Variants in IKZF3 observed in about 807,000 individuals in gnomAD.
IKZF3 encodes the protein IKAROS family zinc finger 3, also known as zinc finger protein Aiolos.
Under a neutral mutation model 49.0 loss-of-function variants are expected in IKZF3, and 10 were observed. The observed-to-expected ratio is 0.20, with a 90% CI of 0.13 to 0.35. The LOEUF (loss-of-function observed/expected upper bound fraction) is 0.35, where lower values mean the gene tolerates loss of function less well. Among genes scored for constraint, IKZF3 ranks in the 10% least tolerant of loss-of-function variants. IKZF3 has a pLI of 1.00. For missense variants in IKZF3, 498 were observed against 664.8 expected (o/e 0.75, Z 2.76); for synonymous variants, 209 against 228.2 (o/e 0.92, Z 0.76).
chr17:39,789,979 T>G (rs2060977237), intron 5 of IKZF3, among the ~76,000 whole-genome samples: 1 of 152,178 alleles, frequency 6.6e-6, no homozygotes, highest in South Asian at 2.1e-4. Context: ...AGGAAAGGTT[T>G]CACCCATACA....
At chr17:39,812,645 T>G (rs542266699) in intron 3 of IKZF3, among the ~76,000 whole-genome samples, 1 of 152,308 alleles carries the variant, frequency 6.6e-6, no homozygotes, top group South Asian at 2.1e-4. Flanking sequence ...AGGTACACAA[T>G]GGCTCGGGTC....
intron 3 of IKZF3, among the ~76,000 whole-genome samples, chr17:39,814,287 A>G (rs911982305): frequency 2.6e-5 from 4 of 152,308 alleles, no homozygotes; most frequent in African/African-American, 9.6e-5. Flanking sequence ...GATCAAATTC[A>G]ACTTTTCTCT....
chr17:39,826,490 C>T (rs186424380), intron 3 of IKZF3, among the ~76,000 whole-genome samples: 1 of 152,290 alleles, frequency 6.6e-6, no homozygotes, highest in East Asian at 1.9e-4. Flanking sequence ...TGATACATGC[C>T]CATATGTTTC....
intron 3 of IKZF3, among the ~76,000 whole-genome samples, chr17:39,816,142 G>A (rs1435579522): frequency 6.6e-6 from 1 of 152,098 alleles, no homozygotes; most frequent in East Asian, 1.9e-4. Flanking sequence ...AGGAATAAAG[G>A]AGAAAACCAA....
At chr17:39,845,375 A>T (rs1039298295) in intron 1 of IKZF3, among the ~76,000 whole-genome samples, 3 of 151,152 alleles carry the variant, frequency 2.0e-5, no homozygotes. Flanking sequence ...ACAAAAAAAA[A>T]TTAGCCAGGC....
At chr17:39,806,619 C>A (rs762767182) in intron 3 of IKZF3, among the ~76,000 whole-genome samples, 9 of 152,062 alleles carry the variant, frequency 5.9e-5, no homozygotes, top group Non-Finnish European at 1.0e-4. Context: ...GAAAATGGAA[C>A]CCTCATCCGT....
intron 3 of IKZF3, among the ~76,000 whole-genome samples, chr17:39,803,216 C>G (rs2061361256): frequency 6.6e-6 from 1 of 152,142 alleles, no homozygotes; most frequent in African/African-American, 2.4e-5. Context: ...AAAGGTCTTT[C>G]TAAACTATAA....
chr17:39,781,380 T>C (rs1371074513), intron 6 of IKZF3, among the ~76,000 whole-genome samples: 1 of 152,122 alleles, frequency 6.6e-6, no homozygotes, highest in Non-Finnish European at 1.5e-5. Flanking sequence ...TCCAGCAATT[T>C]TGAGAAGATT....
intron 1 of IKZF3, among the ~76,000 whole-genome samples, chr17:39,852,646 T>G (rs746532451): frequency 3.3e-5 from 5 of 152,110 alleles, no homozygotes; most frequent in Non-Finnish European, 7.4e-5. Flanking sequence ...ATATATTCTC[T>G]GTTTAGGTGA....
intron 1 of IKZF3, among the ~76,000 whole-genome samples, chr17:39,832,633 G>A (rs1423846834): frequency 6.6e-6 from 1 of 152,024 alleles, no homozygotes; most frequent in African/African-American, 2.4e-5. Flanking sequence ...GTCAGGCACA[G>A]AAAGACAAAT....
intron 2 of IKZF3, 65 bp downstream of exon 2, chr17:39,832,033 T>C (rs1385038658): frequency 2.5e-6 from 3 of 1,203,592 alleles, no homozygotes; most frequent in Non-Finnish European, 3.7e-6. Flanking sequence ...AATAAGCACA[T>C]TCCTCTCTCT....
chr17:39,783,884 G>A (rs561720279), intron 6 of IKZF3, among the ~76,000 whole-genome samples: 28 of 152,236 alleles, frequency 1.8e-4, no homozygotes, highest in East Asian at 5.8e-4. Flanking sequence ...AGCTGAGATC[G>A]TGCCACTGCA....
chr17:39,811,294 AAAAAG>A (rs1193489606), intron 3 of IKZF3, among the ~76,000 whole-genome samples: 4 of 145,922 alleles, frequency 2.7e-5, no homozygotes, highest in Admixed American at 6.7e-5. Flanking sequence ...GAGGAAATAA[AAAAAG>A]AGAAAGAGAA....
At chr17:39,841,640 A>C (rs1196079233) in intron 1 of IKZF3, among the ~76,000 whole-genome samples, 1 of 152,202 alleles carries the variant, frequency 6.6e-6, no homozygotes, top group Non-Finnish European at 1.5e-5. Context: ...AAATATAATA[A>C]GGATAATGAG....
chr17:39,826,745 T>G (rs1034156942), intron 3 of IKZF3, among the ~76,000 whole-genome samples: 2 of 152,186 alleles, frequency 1.3e-5, no homozygotes, highest in East Asian at 3.8e-4. Flanking sequence ...GGTGAGCACG[T>G]GGGTCCATAA....
At chr17:39,816,962 C>A (rs991000604) in intron 3 of IKZF3, among the ~76,000 whole-genome samples, 4 of 152,250 alleles carry the variant, frequency 2.6e-5, no homozygotes, top group African/African-American at 9.6e-5. Context: ...GATCTGCCTG[C>A]CTGGGCCTCC....
At chr17:39,779,083 G>A (rs1264948786) in intron 6 of IKZF3, among the ~76,000 whole-genome samples, 1 of 152,188 alleles carries the variant, frequency 6.6e-6, no homozygotes, top group Non-Finnish European at 1.5e-5. Context: ...TATAAATAGT[G>A]GCAATATCTA....
At position 39,853,049 on chromosome 17, in the gene IKZF3, A is replaced by G. The variant is rs562439801; in HGVS notation, c.7+11071T>C. On this transcript the variant is annotated intron_variant, in intron 1 of 7. Transcript: ENST00000346872. ...CTATCACTAGCCAGACCTCTTCTTTAGAGGAGAGGTCCCTGACCCTGCCTC... is the reference window on the plus strand; with the variant it reads ...CTATCACTAGCCAGACCTCTTCTTTGGAGGAGAGGTCCCTGACCCTGCCTC... Among the ~76,000 whole-genome samples, 5 of 152,330 alleles carry G rather than the reference A, an allele frequency of 3.3e-5. No homozygotes were observed. The South Asian group carries it at 6.2e-4, about 19-fold the overall frequency.
chr17:39,826,853 A>G (rs1272514348), intron 3 of IKZF3, among the ~76,000 whole-genome samples: 1 of 152,228 alleles, frequency 6.6e-6, no homozygotes, highest in African/African-American at 2.4e-5. Flanking sequence ...AAATAGCAAC[A>G]AACTATTATG....
Sources: gnomAD v4.1 joint callset for allele counts (sites outside exome capture counted in the v4.1 genomes callset) on GRCh38, gnomAD v4.1.1 for gene constraint, MANE v1.5 for transcripts, NCBI Gene and HGNC (gene_info 2026-07-23, HGNC 2026-07-21) for gene names.